FBLN7: variants seen among roughly 807,000 people sequenced by gnomAD.
The protein encoded by FBLN7 is fibulin-7.
Under a neutral mutation model 44.0 loss-of-function variants are expected in FBLN7, and 31 were observed. The ratio of observed to expected loss-of-function variants is 0.70; its 90% CI spans 0.53 to 0.95. The LOEUF (loss-of-function observed/expected upper bound fraction) is 0.95. FBLN7 is among the 40% of genes least tolerant of loss of function. The probability of loss-of-function intolerance (pLI) is 0.00; values close to 1 mark genes in which losing one functional copy is unlikely to be tolerated. For synonymous variants in FBLN7, 262 were observed against 253.4 expected (o/e 1.03, Z -0.32); for missense variants, 573 against 618.5 (o/e 0.93, Z 0.78).
At chr2:112,237,229 T>A in the FBLN7 span, among the ~76,000 whole-genome samples, 1 of 152,204 alleles carries the variant, frequency 6.6e-6, no homozygotes, top group Non-Finnish European at 1.5e-5. Context: ...TCATTGTTTT[T>A]AAAAATATAT....
intron 1 of FBLN7, among the ~76,000 whole-genome samples, chr2:112,143,469 A>C (rs1680751696): frequency 6.6e-6 from 1 of 152,122 alleles, no homozygotes; most frequent in African/African-American, 2.4e-5. Flanking sequence ...CCACCATGAG[A>C]GGTTCATTCT....
intron 3 of FBLN7, among the ~76,000 whole-genome samples, chr2:112,168,489 T>G (rs1573806101): frequency 6.6e-6 from 1 of 152,172 alleles, no homozygotes; most frequent in Non-Finnish European, 1.5e-5. Flanking sequence ...CCCTCCTAAG[T>G]GAGTAGACTC....
At chr2:112,168,340 A>C (rs924464677) in intron 3 of FBLN7, among the ~76,000 whole-genome samples, 1 of 152,244 alleles carries the variant, frequency 6.6e-6, no homozygotes, top group African/African-American at 2.4e-5. Context: ...GGTGATGGCC[A>C]GTCCAGGATG....
At chr2:112,231,877 A>C in the FBLN7 span, 1 of 1,594,698 alleles carries the variant, frequency 6.3e-7, no homozygotes, top group Non-Finnish European at 8.6e-7. Context: ...TCAGTGGAGC[A>C]TGAGAAAACT....
chr2:112,159,595 C>T (rs1681615878), intron 1 of FBLN7, 81 bp from the exon 2 acceptor site: 1 of 1,415,708 alleles, frequency 7.1e-7, no homozygotes, highest in Admixed American at 2.8e-5. Context: ...CCCGTGGCTT[C>T]GGCGATTTCG....
the FBLN7 span, among the ~76,000 whole-genome samples, chr2:112,218,067 T>G: frequency 6.6e-6 from 1 of 152,152 alleles, no homozygotes; most frequent in Non-Finnish European, 1.5e-5. Flanking sequence ...AGTTGTTCTT[T>G]CAAGTAAAAA....
At chr2:112,144,487 T>A (rs1452395345) in intron 1 of FBLN7, among the ~76,000 whole-genome samples, 1 of 151,946 alleles carries the variant, frequency 6.6e-6, no homozygotes, top group Admixed American at 6.6e-5. Flanking sequence ...AGGTTCCTTT[T>A]TGTTTTTGCT....
the FBLN7 span, among the ~76,000 whole-genome samples, chr2:112,217,616 T>C: frequency 6.6e-6 from 1 of 152,236 alleles, no homozygotes; most frequent in African/African-American, 2.4e-5. Context: ...CATTATATAG[T>C]AGAGTGTTTT....
intron 2 of FBLN7, among the ~76,000 whole-genome samples, chr2:112,160,742 ACACGCG>A (rs1463840457): frequency 1.2e-5 from 1 of 81,078 alleles, no homozygotes; most frequent in Admixed American, 1.1e-4. Flanking sequence ...GCACACGCAC[ACACGCG>A]CACGCACACA....
At chr2:112,190,671 G>A (rs72831636), downstream of FBLN7, 15,573 of 152,130 alleles carry the variant, frequency 0.1, 1,071 homozygotes, top group Non-Finnish European at 0.14. Context: ...GAGCTGCTTC[G>A]AGGTGGCTGA....
Position 112,164,986 on chromosome 2 carries a change from C to G in FBLN7, c.236-15C>G. 1 of 1,612,104 alleles carries G rather than the reference C, an allele frequency of 6.2e-7. No homozygotes were observed. Among genetic ancestry groups the G allele is most frequent in the Non-Finnish European group, 8.5e-7 (1 of 1,178,624 alleles). On this transcript the variant is annotated splice_polypyrimidine_tract_variant and intron_variant, in intron 2 of 7. Coordinates refer to ENST00000331203, the MANE Select transcript of FBLN7 (RefSeq NM_153214.3). ...CAGGATGAGGAGCTCGTAATCCTTCCATCTCTCCTTACAGTTTCCTGCCCG... is the reference window on the plus strand; with the variant it reads ...CAGGATGAGGAGCTCGTAATCCTTCGATCTCTCCTTACAGTTTCCTGCCCG...
intron 3 of FBLN7, among the ~76,000 whole-genome samples, chr2:112,169,860 C>G (rs1177100939): frequency 6.6e-6 from 1 of 152,092 alleles, no homozygotes; most frequent in Non-Finnish European, 1.5e-5. Flanking sequence ...GAGCAGGGGA[C>G]AATGACACTG....
At chr2:112,235,537 T>C in the FBLN7 span, among the ~76,000 whole-genome samples, 110 of 152,238 alleles carry the variant, frequency 7.2e-4, no homozygotes, top group Middle Eastern at 3.4e-3. Flanking sequence ...AGACTGTATA[T>C]AAATGTTTTT....
At chr2:112,155,043 G>A (rs990983713) in intron 1 of FBLN7, among the ~76,000 whole-genome samples, 1 of 152,200 alleles carries the variant, frequency 6.6e-6, no homozygotes, top group Non-Finnish European at 1.5e-5. Flanking sequence ...GTTAACAGTG[G>A]TTGTCTCTGG....
At chr2:112,206,731 C>G in the FBLN7 span, among the ~76,000 whole-genome samples, 1 of 141,244 alleles carries the variant, frequency 7.1e-6, no homozygotes, top group African/African-American at 2.7e-5. Context: ...TTCTTATTGA[C>G]TGTTTTTTTT....
chr2:112,235,960 A>AGGAGTGACCAGGC, the FBLN7 span, among the ~76,000 whole-genome samples: 4 of 150,320 alleles, frequency 2.7e-5, no homozygotes, highest in African/African-American at 9.8e-5. Context: ...AAAAAAATCA[A>AGGAGTGACCAGGC]GGAGTGACCA....
chr2:112,187,255 A>G lies in FBLN7; in HGVS notation c.1069A>G (p.Met357Val), dbSNP rs1683312594. The change falls in exon 8 of 8, where the codon ATG becomes GTG. Residue 357 changes from methionine to valine, a missense_variant. By Grantham distance (21) the Met-to-Val change is conservative (BLOSUM62 1). Transcript: ENST00000331203. The surrounding 1 kb of genome is among the most constrained non-coding windows in gnomAD (Gnocchi z 5.1). The part of the protein sequence containing the change: ...NLKTPITLFR[M>V]ATASAPGRAG... ...GAAGACGCCCATCACGCTCTTCCGCATGGCCACAGCCTCTGCCCCCGGCCG... is the reference window on the plus strand; with the variant it reads ...GAAGACGCCCATCACGCTCTTCCGCGTGGCCACAGCCTCTGCCCCCGGCCG... 1 of 1,614,112 alleles carries G rather than the reference A, an allele frequency of 6.2e-7. No individual in the cohort carries two copies. The highest frequency in any genetic ancestry group is 1.1e-5 in the South Asian group (1 of 91,070).
chr2:112,196,031 C>T, the FBLN7 span, among the ~76,000 whole-genome samples: 1 of 152,076 alleles, frequency 6.6e-6, no homozygotes, highest in Non-Finnish European at 1.5e-5. Context: ...ATGCTGGGAC[C>T]CCCAGAGTTC....
chr2:112,168,956 T>G (rs1038157633), intron 3 of FBLN7, among the ~76,000 whole-genome samples: 1 of 152,098 alleles, frequency 6.6e-6, no homozygotes, highest in African/African-American at 2.4e-5. Flanking sequence ...GGAAATTGTG[T>G]GTACACAATT....
Sources: allele counts gnomAD v4.1 joint callset (sites outside exome capture counted in the v4.1 genomes callset), GRCh38; gene constraint gnomAD v4.1.1; non-coding constraint Gnocchi (gnomAD v3.1); transcripts MANE v1.5; gene names NCBI Gene and HGNC (gene_info 2026-07-23, HGNC 2026-07-21).